Variants in CHDH observed in about 807,000 individuals in gnomAD.
The protein encoded by CHDH is choline dehydrogenase, also known as choline dehydrogenase, mitochondrial.
A neutral mutation model predicts 56.9 loss-of-function variants in CHDH; 43 were observed. The observed-to-expected ratio is 0.76, with a 90% CI of 0.59 to 0.97. The LOEUF is 0.97. Among genes scored for constraint, CHDH ranks in the 50% least tolerant of loss-of-function variants. The probability of loss-of-function intolerance (pLI) is 0.00; values close to 1 mark genes in which losing one functional copy is unlikely to be tolerated. For synonymous variants in CHDH, 364 were observed against 348.5 expected, an observed-to-expected ratio of 1.04 and a Z score of -0.50; for missense variants, 816 against 821.1, an observed-to-expected ratio of 0.99 and a Z score of 0.08.
intron 2 of CHDH, among the ~76,000 whole-genome samples, chr3:53,830,780 C>A (rs921778610): frequency 6.6e-6 from 1 of 152,192 alleles, no homozygotes; most frequent in Non-Finnish European, 1.5e-5. Context: ...TCTTAAAAGA[C>A]TGAAATCAGG....
At position 53,823,285 on chromosome 3, in the gene CHDH, AAAGAG is replaced by A; in HGVS notation, c.703+16_703+20del. The A allele has an allele frequency of 6.7e-7, 1 of 1,488,252 alleles. No individual in the cohort carries two copies. Among genetic ancestry groups the A allele is most frequent in the Non-Finnish European group, 8.9e-7 (1 of 1,117,884 alleles). 92.2% of individuals were successfully genotyped at this position (1,488,252 alleles called of 1,614,324 possible). On this transcript the variant is annotated intron_variant, in intron 3 of 8. Transcript: ENST00000315251. ...GGGGTAGGGGGTAGTGCTTTTTTAAAAAGAGAAGGGAGACCACTACCTTCATGGAT... is the reference window on the plus strand; with the variant it reads ...GGGGTAGGGGGTAGTGCTTTTTTAAAAAGGGAGACCACTACCTTCATGGAT...
chr3:53,843,501 G>A (rs1050420857), intron 1 of CHDH, among the ~76,000 whole-genome samples: 1 of 152,114 alleles, frequency 6.6e-6, no homozygotes, highest in Non-Finnish European at 1.5e-5. Context: ...AGGGCCATAG[G>A]TACTTGACCC....
At chr3:53,843,691 G>A (rs182802907) in intron 1 of CHDH, among the ~76,000 whole-genome samples, 1 of 152,082 alleles carries the variant, frequency 6.6e-6, no homozygotes, top group East Asian at 1.9e-4. Flanking sequence ...AGCCCCCCCG[G>A]ACAGGAAGGC....
chr3:53,831,339 G>A (rs531096594), intron 2 of CHDH, among the ~76,000 whole-genome samples: 8 of 152,350 alleles, frequency 5.3e-5, no homozygotes, highest in East Asian at 3.9e-4. Flanking sequence ...GAAACTTGCC[G>A]CCCCAAAGGG....
At position 53,823,938 on chromosome 3, in the gene CHDH, G is replaced by T. The variant is rs201987319; in HGVS notation, c.71C>A (p.Ser24Tyr). ...GCTGGCCAGGGCCCGGGCACCCAGG[G>T]ATTGCTGCTGCCCCAGGGCTCCCCG... ...LARGALGQQQSLGARALASAG... is the reference protein window; with the variant it reads ...LARGALGQQQYLGARALASAG... Residue 24 changes from serine to tyrosine, a missense_variant, in exon 3 of 9, where the codon TCC becomes TAC. Transcript: ENST00000315251. 5.2e-6 allele frequency: 8 copies of T among 1,538,168 alleles called. No individual in the cohort carries two copies. Among genetic ancestry groups the T allele is most frequent in the Non-Finnish European group, 7.0e-6 (8 of 1,150,056 alleles).
At chr3:53,824,113 A>T in intron 2 of CHDH, 46 bp from the exon 3 acceptor site, 2 of 1,146,080 alleles carry the variant, frequency 1.7e-6, no homozygotes, top group Non-Finnish European at 2.3e-6. Context: ...CCGCATATCC[A>T]GGGTATGCTC....
chr3:53,829,985 CACTT>C (rs891876833), intron 2 of CHDH, among the ~76,000 whole-genome samples: 10 of 152,118 alleles, frequency 6.6e-5, no homozygotes, highest in African/African-American at 2.4e-4. Context: ...AAAACAATAA[CACTT>C]ACAAGAGCAC....
In CHDH at chr3:53,818,123, G is replaced by A. The variant is rs755131701; in HGVS notation, c.1439C>T (p.Pro480Leu). 3.3e-5 allele frequency: 53 copies of A among 1,613,998 alleles called. No individual in the cohort carries two copies. Among genetic ancestry groups the A allele is most frequent in the Admixed American group, 2.0e-4 (12 of 59,998 alleles). The change falls in exon 9 of 9, where the codon CCG (proline) becomes CTG (leucine). Residue 480 changes from proline to leucine, a missense_variant. Physicochemically the swap from Pro to Leu is moderately conservative, Grantham distance 98. Coordinates refer to ENST00000315251, the MANE Select transcript of CHDH (RefSeq NM_018397.5). ...TGGCTGGAGCTCTTTCCCTCGGAAC[G>A]GAGCCAGGGCTTCCTGTGCAAAAAT... ...REIFAQEALA[P>L]FRGKELQPGS...
chr3:53,832,404 T>C (rs920034284), intron 2 of CHDH, among the ~76,000 whole-genome samples: 6 of 152,086 alleles, frequency 3.9e-5, no homozygotes, highest in Non-Finnish European at 7.4e-5. Flanking sequence ...TGGTGGTGGG[T>C]GCCTATAATC....
In CHDH at chr3:53,815,140, T is replaced by G. The variant is rs2095613650; in HGVS notation, c.*2637A>C. On this transcript the variant is annotated 3_prime_UTR_variant, in exon 9 of 9. Transcript: ENST00000315251. Reference sequence around the variant, plus strand: ...TCCCCTATTCCATCAGGAGCTGCCTTCTACTAGTGCAGCGGCTTCAACACA... The same window carrying G: ...TCCCCTATTCCATCAGGAGCTGCCTGCTACTAGTGCAGCGGCTTCAACACA... 1 of 152,262 alleles carries G rather than the reference T, an allele frequency of 6.6e-6. No individual in the cohort carries two copies. Among genetic ancestry groups the G allele is most frequent in the Non-Finnish European group, 1.5e-5 (1 of 68,062 alleles). 9.4% of individuals were successfully genotyped at this position (152,262 alleles called of 1,614,324 possible). A position where few individuals can be genotyped will look rare whatever the true frequency, so the allele number is the denominator to read the frequency against.
At chr3:53,828,341 G>A (rs377345965) in intron 2 of CHDH, among the ~76,000 whole-genome samples, 1 of 152,124 alleles carries the variant, frequency 6.6e-6, no homozygotes, top group Non-Finnish European at 1.5e-5. Context: ...TGGGCTTGAC[G>A]ATGACTTTAT....
chr3:53,818,541 G>T (rs1450869090), intron 8 of CHDH, among the ~76,000 whole-genome samples: 2 of 152,226 alleles, frequency 1.3e-5, no homozygotes, highest in African/African-American at 4.8e-5. Context: ...GGCAAAACCT[G>T]CCCAGTGGGT....
intron 1 of CHDH, among the ~76,000 whole-genome samples, chr3:53,843,049 G>C (rs1698724426): frequency 6.6e-6 from 1 of 152,086 alleles, no homozygotes; most frequent in Non-Finnish European, 1.5e-5. Flanking sequence ...GTGGAGGCTG[G>C]ACCCGCAGGA....
Position 53,819,738 on chromosome 3 carries a change from C to A in CHDH, c.1121-64G>T. The A allele has an allele frequency of 6.8e-7, 1 of 1,473,418 alleles. No homozygotes were observed. Among genetic ancestry groups the A allele is most frequent in the Non-Finnish European group, 9.0e-7 (1 of 1,106,812 alleles). The allele number at this position is 1,473,418 out of a possible 1,614,324, so 91.3% of individuals were successfully genotyped here. ...GGCCGTGGCAGGTGGGCCGGCTGCT[C>A]CTGGTTTCCCTCCTTTCTCCTGGCC... On this transcript the variant is annotated intron_variant, in intron 6 of 8. Coordinates refer to ENST00000315251, the MANE Select transcript of CHDH (RefSeq NM_018397.5). The surrounding 1 kb of genome is among the most constrained non-coding windows in gnomAD (Gnocchi z 5.4).
chr3:53,818,977 G>A lies in CHDH; in HGVS notation c.1327C>T (p.Gln443Ter). 1 of 1,613,902 alleles carries A rather than the reference G, an allele frequency of 6.2e-7. No individual in the cohort carries two copies. The highest frequency in any genetic ancestry group is 8.5e-7 in the Non-Finnish European group (1 of 1,179,766). Residue 443 changes from glutamine (Q) to a stop codon, truncating the protein, a stop_gained, in exon 8 of 9, where the codon CAA becomes TAA. Transcript: ENST00000315251. LOFTEE classifies it high-confidence loss of function. ...GWLKLRSANP[Q>*]DHPVIQPNYL... Reference sequence around the variant, plus strand: ...TTGGGCTGGATCACAGGGTGGTCTTGGGGATTGGCACTTCTCAGTTTGAGC... The same window carrying A: ...TTGGGCTGGATCACAGGGTGGTCTTAGGGATTGGCACTTCTCAGTTTGAGC...
chr3:53,818,202 A>T lies in CHDH; in HGVS notation c.1367-7T>A, dbSNP rs766314683. 2 of 1,590,540 alleles carry T rather than the reference A, an allele frequency of 1.3e-6. No homozygotes were observed. The highest frequency in any genetic ancestry group is 2.3e-5 in the South Asian group (2 of 85,814). On this transcript the variant is annotated splice_region_variant and splice_polypyrimidine_tract_variant and intron_variant, in intron 8 of 8. Transcript: ENST00000315251. The stretch of plus-strand genomic sequence containing the variant: ...AAATCCTCAATATCAGTTTCTGTCG[A>T]GGAGAAGAAACAGGTGAGGACCCCT...
In CHDH at chr3:53,823,467, C is replaced by T. The variant is rs1386508581; in HGVS notation, c.542G>A (p.Arg181Gln). 5 of 1,553,770 alleles carry T rather than the reference C, an allele frequency of 3.2e-6. No individual in the cohort carries two copies. Among genetic ancestry groups the T allele is most frequent in the South Asian group, 2.4e-5 (2 of 84,674 alleles). ...CACCCGCAGCGGGCCATCGGCGCCC[C>T]GGTACCGGCTGGCGCCCAGCTCGTG... ...QGHELGASRY[R>Q]GADGPLRVSR... is the part of the protein sequence containing the mutation. Residue 181 changes from arginine to glutamine, a missense_variant, in exon 3 of 9, where the codon CGG (arginine) becomes CAG (glutamine). Coordinates refer to ENST00000315251, the MANE Select transcript of CHDH (RefSeq NM_018397.5).
intron 3 of CHDH, 119 bp downstream of exon 3, chr3:53,823,187 C>T: frequency 1.1e-6 from 1 of 932,942 alleles, no homozygotes; most frequent in South Asian, 1.8e-5. Context: ...TCGTGCCAGC[C>T]TCAGTCTGCC....
In CHDH at chr3:53,821,796, G is replaced by T; in HGVS notation, c.856-20C>A. Reference sequence around the variant, plus strand: ...ATAAGCCTGGAAGAGGTCCAGCCAGGTCACTCCCTGAAAAGCCAGCTGTTC... The same window carrying T: ...ATAAGCCTGGAAGAGGTCCAGCCAGTTCACTCCCTGAAAAGCCAGCTGTTC... On this transcript the variant is annotated intron_variant, in intron 4 of 8. Transcript: ENST00000315251. 6.2e-7 allele frequency: 1 copy of T among 1,612,056 alleles called. No individual in the cohort carries two copies.
Sources: gnomAD v4.1 joint callset for allele counts (sites outside exome capture counted in the v4.1 genomes callset) on GRCh38, gnomAD v4.1.1 for gene constraint, Gnocchi (gnomAD v3.1) non-coding constraint, MANE v1.5 for transcripts, NCBI Gene and HGNC (gene_info 2026-07-23, HGNC 2026-07-21) for gene names.